The following SELENOF variants were observed in gnomAD, a reference collection of about 807,000 sequenced individuals.
The protein encoded by SELENOF is selenoprotein F.
A neutral mutation model predicts 20.5 loss-of-function variants in SELENOF; 16 were observed. The observed-to-expected ratio is 0.78, with a 90% CI of 0.53 to 1.19. SELENOF has a LOEUF of 1.19. SELENOF is among the 50% of genes most tolerant of loss of function. The pLI, the probability that SELENOF is intolerant of heterozygous loss-of-function variation, is 0.00. For missense variants in SELENOF, 215 were observed against 194.2 expected (o/e 1.11, Z -0.64); for synonymous variants, 78 against 74.5 (o/e 1.05, Z -0.24).
intron 4 of SELENOF, among the ~76,000 whole-genome samples, chr1:86,864,557 C>A (rs769220739): frequency 2.0e-5 from 3 of 151,988 alleles, no homozygotes; most frequent in Non-Finnish European, 2.9e-5. Flanking sequence ...TATTCCCAAC[C>A]CATTTGTGGA....
At chr1:86,906,022 A>C (rs112428853) in intron 1 of SELENOF, among the ~76,000 whole-genome samples, 2 of 152,206 alleles carry the variant, frequency 1.3e-5, no homozygotes, top group Non-Finnish European at 2.9e-5. Context: ...ATCCAGTGGC[A>C]TTTCCCAATG....
At chr1:86,887,791 C>A (rs2102099271) in intron 2 of SELENOF, among the ~76,000 whole-genome samples, 1 of 152,210 alleles carries the variant, frequency 6.6e-6, no homozygotes, top group African/African-American at 2.4e-5. Flanking sequence ...CCAGTCCCCA[C>A]CCCTATGTAT....
chr1:86,866,230 C>CTCTGTGTGTG (rs535243866), intron 4 of SELENOF, among the ~76,000 whole-genome samples: 110 of 113,680 alleles, frequency 9.7e-4, no homozygotes, highest in East Asian at 1.7e-3. Flanking sequence ...GTGTGTGTCT[C>CTCTGTGTGTG]TGTGTGTGTG....
rs750562310 is a variant in SELENOF, at chr1:86,884,376, CATAT to C, written c.253-3655_253-3652del. Among the ~76,000 whole-genome samples the C allele has an allele frequency of 5.0e-4, 73 of 146,460 alleles. 1 individual carries two copies. Among genetic ancestry groups the C allele is most frequent in the Non-Finnish European group, 8.5e-4 (56 of 66,100 alleles). The stretch of plus-strand genomic sequence containing the variant: ...ACACACACACACACACACACACACA[CATAT>C]ACACACACATATATATACACGCACA... On this transcript the variant is annotated intron_variant, in intron 2 of 4. Transcript: ENST00000331835.
chr1:86,873,703 T>A (rs1658846947), intron 3 of SELENOF, among the ~76,000 whole-genome samples: 1 of 151,860 alleles, frequency 6.6e-6, no homozygotes, highest in African/African-American at 2.4e-5. Flanking sequence ...ATACAAAAAA[T>A]TAGCTGGGCG....
At chr1:86,902,702 A>C (rs1659732479) in intron 2 of SELENOF, among the ~76,000 whole-genome samples, 1 of 152,190 alleles carries the variant, frequency 6.6e-6, no homozygotes, top group African/African-American at 2.4e-5. Context: ...GTTCACTATT[A>C]ATTTGTTTGA....
chr1:86,910,738 G>A (rs1659960189), intron 1 of SELENOF, among the ~76,000 whole-genome samples: 1 of 148,114 alleles, frequency 6.8e-6, no homozygotes, highest in African/African-American at 2.5e-5. Context: ...AGTCTAACAT[G>A]TACTTACCAG....
At position 86,863,361 on chromosome 1, in the gene SELENOF, G is replaced by A; in HGVS notation, c.*113C>T. ...TTCACGATTTAATTAGATATTTAAT[G>A]CCTCAAGTAAAAGACTGATCAATGG... On this transcript the variant is annotated 3_prime_UTR_variant, in exon 5 of 5. Coordinates refer to ENST00000331835, the MANE Select transcript of SELENOF (RefSeq NM_004261.5). 1.2e-6 allele frequency: 1 copy of A among 831,688 alleles called. No individual in the cohort carries two copies. Among genetic ancestry groups the A allele is most frequent in the Non-Finnish European group, 1.8e-6 (1 of 550,468 alleles). 51.5% of individuals were successfully genotyped at this position (831,688 alleles called of 1,614,324 possible).
intron 2 of SELENOF, among the ~76,000 whole-genome samples, chr1:86,897,634 T>C (rs542731034): frequency 1.3e-5 from 2 of 152,312 alleles, no homozygotes; most frequent in South Asian, 2.1e-4. Context: ...CAATACACCA[T>C]TCTACATAGC....
intron 3 of SELENOF, among the ~76,000 whole-genome samples, chr1:86,871,737 T>C (rs1367033494): frequency 3.3e-5 from 5 of 152,178 alleles, no homozygotes; most frequent in African/African-American, 1.2e-4. Flanking sequence ...CTCAAGATGT[T>C]TTACAAATTA....
chr1:86,863,984 A>G (rs1658530409), intron 4 of SELENOF, among the ~76,000 whole-genome samples: 1 of 152,168 alleles, frequency 6.6e-6, no homozygotes, highest in South Asian at 2.1e-4. Flanking sequence ...AAAGAGAAAA[A>G]TATCTATTAG....
At chr1:86,881,944 G>A (rs996118915) in intron 2 of SELENOF, among the ~76,000 whole-genome samples, 2 of 151,986 alleles carry the variant, frequency 1.3e-5, no homozygotes, top group African/African-American at 4.8e-5. Context: ...TTAAGAATAG[G>A]TTAATTTGGC....
In SELENOF at chr1:86,908,106, A is replaced by G. The variant is rs560435197; in HGVS notation, c.85-4658T>C. Among the ~76,000 whole-genome samples the G allele has an allele frequency of 2.6e-5, 4 of 152,300 alleles. No homozygotes were observed. In the East Asian group the frequency reaches 7.7e-4, roughly 29 times the overall value. On this transcript the variant is annotated intron_variant, in intron 1 of 4. Coordinates refer to ENST00000331835, the MANE Select transcript of SELENOF (RefSeq NM_004261.5). The stretch of plus-strand genomic sequence containing the variant: ...TAGATGAGAGAGTTGGCAGCAGAGA[A>G]ACTGGGTTAACTGTACTATACCATT...
chr1:86,899,033 T>C (rs1038337760), intron 2 of SELENOF, among the ~76,000 whole-genome samples: 3 of 151,962 alleles, frequency 2.0e-5, no homozygotes, highest in Non-Finnish European at 2.9e-5. Context: ...AAGCACATCT[T>C]GCACCGCCCT....
chr1:86,909,639 G>C (rs1247841955), intron 1 of SELENOF, among the ~76,000 whole-genome samples: 1 of 152,178 alleles, frequency 6.6e-6, no homozygotes, highest in Non-Finnish European at 1.5e-5. Flanking sequence ...GGAGTGGAGG[G>C]ATACTAACAC....
chr1:86,880,823 CAG>C, intron 2 of SELENOF, 98 bp from the exon 3 acceptor site: 1 of 729,088 alleles, frequency 1.4e-6, no homozygotes, highest in Non-Finnish European at 2.1e-6. Flanking sequence ...TTACAGTTAG[CAG>C]ATATATAGAT....
At chr1:86,881,590 C>T (rs1219959259) in intron 2 of SELENOF, among the ~76,000 whole-genome samples, 1 of 152,048 alleles carries the variant, frequency 6.6e-6, no homozygotes, top group East Asian at 1.9e-4. Context: ...GAAAGATGGA[C>T]TTTATTTTTT....
chr1:86,886,980 T>C lies in SELENOF; in HGVS notation c.253-6255A>G, dbSNP rs11161908. ...TTTTAAAAAATCAACTTTATTCCTTTCATACAGCAGAAAAATACATCACAC... is the reference window on the plus strand; with the variant it reads ...TTTTAAAAAATCAACTTTATTCCTTCCATACAGCAGAAAAATACATCACAC... On this transcript the variant is annotated intron_variant, in intron 2 of 4. Transcript: ENST00000331835. Among the ~76,000 whole-genome samples, 945 of 152,274 alleles carry C rather than the reference T, an allele frequency of 6.2e-3. 11 individuals are homozygous for C. Among genetic ancestry groups the C allele is most frequent in the African/African-American group, 0.022 (911 of 41,568 alleles).
At chr1:86,909,570 AAAAT>A (rs770429804) in intron 1 of SELENOF, among the ~76,000 whole-genome samples, 1 of 152,234 alleles carries the variant, frequency 6.6e-6, no homozygotes, top group Non-Finnish European at 1.5e-5. Flanking sequence ...AAGGGAATAT[AAAAT>A]AAAAATGGTC....
Sources: gnomAD v4.1 joint callset for allele counts (sites outside exome capture counted in the v4.1 genomes callset) on GRCh38, gnomAD v4.1.1 for gene constraint, MANE v1.5 for transcripts, NCBI Gene and HGNC (gene_info 2026-07-23, HGNC 2026-07-21) for gene names.